The following PRKN variants were observed in gnomAD, a reference collection of about 807,000 sequenced individuals.
PRKN encodes the protein parkin RBR E3 ubiquitin protein ligase, also known as E3 ubiquitin-protein ligase parkin.
In PRKN, 56 loss-of-function variants were observed where a neutral mutation model predicts 59.5. The observed-to-expected ratio is 0.94, with a 90% confidence interval of 0.76 to 1.18. PRKN has a LOEUF of 1.18. PRKN is among the 50% of genes most tolerant of loss of function. The probability of loss-of-function intolerance (pLI) is 0.00; values close to 1 mark genes in which losing one functional copy is unlikely to be tolerated. For missense variants in PRKN, 657 were observed against 596.4 expected (o/e 1.10, Z -1.06); for synonymous variants, 250 against 222.1 (o/e 1.13, Z -1.12).
intron 1 of PRKN, among the ~76,000 whole-genome samples, chr6:162,565,842 C>G (rs1780052677): frequency 6.6e-6 from 1 of 152,014 alleles, no homozygotes; most frequent in Admixed American, 6.5e-5. Flanking sequence ...AAGAAACACA[C>G]TTCACTATAA....
At chr6:162,624,631 C>T (rs1260292260) in intron 1 of PRKN, 1 of 152,220 alleles carries the variant, frequency 6.6e-6, no homozygotes, top group Non-Finnish European at 1.5e-5. Context: ...TCTTAAAAGA[C>T]TCTTGGGATT....
intron 1 of PRKN, among the ~76,000 whole-genome samples, chr6:162,583,000 C>T (rs566770061): frequency 3.9e-5 from 6 of 152,102 alleles, no homozygotes; most frequent in Admixed American, 6.6e-5. Context: ...GGAGATAGGG[C>T]GATAATCCCC....
chr6:161,642,917 A>G (rs79298141), intron 7 of PRKN, among the ~76,000 whole-genome samples: 5,930 of 152,280 alleles, frequency 0.039, 199 homozygotes, highest in South Asian at 0.083. Flanking sequence ...TTATTTTTTA[A>G]AGCATAGATC....
chr6:162,694,887 A>G, intron 1 of PRKN: 1 of 152,206 alleles, frequency 6.6e-6, no homozygotes, highest in East Asian at 1.9e-4. Context: ...TCGGATCTAC[A>G]TTCGTGTTTA....
chr6:161,365,548 T>C (rs964342846), intron 10 of PRKN, among the ~76,000 whole-genome samples: 1 of 152,234 alleles, frequency 6.6e-6, no homozygotes, highest in Admixed American at 6.5e-5. Context: ...AATTACAAAC[T>C]GGAAAATTGC....
At chr6:162,176,432 A>G (rs1783539797) in intron 4 of PRKN, among the ~76,000 whole-genome samples, 1 of 152,190 alleles carries the variant, frequency 6.6e-6, no homozygotes, top group Non-Finnish European at 1.5e-5. Flanking sequence ...ATCTAGGACT[A>G]TATGGTACTT....
At chr6:161,476,738 G>A (rs1010004181) in intron 9 of PRKN, among the ~76,000 whole-genome samples, 6 of 152,246 alleles carry the variant, frequency 3.9e-5, no homozygotes, top group African/African-American at 1.4e-4. Flanking sequence ...GAACACTGGA[G>A]ATGTGCTGGA....
At chr6:162,427,221 T>C (rs148549457) in intron 2 of PRKN, among the ~76,000 whole-genome samples, 1 of 152,318 alleles carries the variant, frequency 6.6e-6, no homozygotes, top group East Asian at 1.9e-4. Context: ...ATGTGAATAA[T>C]TGGGAGTTAA....
At chr6:161,875,524 C>G in intron 6 of PRKN, among the ~76,000 whole-genome samples, 1 of 151,998 alleles carries the variant, frequency 6.6e-6, no homozygotes, top group Non-Finnish European at 1.5e-5. Flanking sequence ...CAGCACCTGT[C>G]AACTGCTGAA....
At chr6:162,693,773 G>T (rs532231676) in intron 1 of PRKN, among the ~76,000 whole-genome samples, 4 of 152,078 alleles carry the variant, frequency 2.6e-5, no homozygotes, top group South Asian at 2.1e-4. Flanking sequence ...CACTTGAAGA[G>T]GTACATAGTG....
intron 7 of PRKN, among the ~76,000 whole-genome samples, chr6:161,572,093 C>T (rs920408152): frequency 6.6e-6 from 1 of 152,100 alleles, no homozygotes; most frequent in Admixed American, 6.5e-5. Flanking sequence ...GAGCCCTTCC[C>T]CCAGTAAACG....
intron 1 of PRKN, among the ~76,000 whole-genome samples, chr6:162,480,863 T>G (rs1211391693): frequency 6.6e-6 from 1 of 152,122 alleles, no homozygotes; most frequent in Non-Finnish European, 1.5e-5. Context: ...TGGAGCGCAG[T>G]GGCACGATCT....
chr6:162,723,071 T>G (rs1402477300), intron 1 of PRKN, among the ~76,000 whole-genome samples: 1 of 152,112 alleles, frequency 6.6e-6, no homozygotes, highest in East Asian at 1.9e-4. Flanking sequence ...AATTGAGACT[T>G]TAAAATTCAC....
intron 7 of PRKN, among the ~76,000 whole-genome samples, chr6:161,591,043 T>A (rs1268645185): frequency 1.3e-5 from 2 of 152,204 alleles, no homozygotes; most frequent in East Asian, 3.9e-4. Context: ...ATACTGTGGT[T>A]ACATAACAGA....
At chr6:161,895,003 T>C (rs2128233133) in intron 6 of PRKN, among the ~76,000 whole-genome samples, 1 of 152,356 alleles carries the variant, frequency 6.6e-6, no homozygotes, top group African/African-American at 2.4e-5. Flanking sequence ...CCTCACTCTG[T>C]TATAACAATA....
At chr6:161,521,938 G>A (rs1217708548) in intron 9 of PRKN, among the ~76,000 whole-genome samples, 1 of 152,126 alleles carries the variant, frequency 6.6e-6, no homozygotes, top group Non-Finnish European at 1.5e-5. Context: ...TTGATTATCA[G>A]ACATGTAATC....
At chr6:161,647,646 G>C (rs11969668) in intron 7 of PRKN, among the ~76,000 whole-genome samples, 5,740 of 151,982 alleles carry the variant, frequency 0.038, 379 homozygotes, top group African/African-American at 0.13. Flanking sequence ...GGGCTGTGCT[G>C]ATACAAACAT....
At chr6:161,658,944 G>A (rs892532193) in intron 7 of PRKN, among the ~76,000 whole-genome samples, 6 of 152,220 alleles carry the variant, frequency 3.9e-5, no homozygotes, top group African/African-American at 1.4e-4. Context: ...CTGCTTCAGA[G>A]GGCATAGAAT....
intron 2 of PRKN, among the ~76,000 whole-genome samples, chr6:162,376,303 A>G (rs866667880): frequency 6.6e-6 from 1 of 152,146 alleles, no homozygotes; most frequent in Non-Finnish European, 1.5e-5. Flanking sequence ...GAAGTTGAAA[A>G]AGATACTCAG....
Sources: gnomAD v4.1 joint callset for allele counts (sites outside exome capture counted in the v4.1 genomes callset) on GRCh38, gnomAD v4.1.1 for gene constraint, MANE v1.5 for transcripts, NCBI Gene and HGNC (gene_info 2026-07-23, HGNC 2026-07-21) for gene names.